SEL1L2: variants seen among roughly 807,000 people sequenced by gnomAD.
The protein encoded by SEL1L2 is protein sel-1 homolog 2.
In SEL1L2, 89 loss-of-function variants were observed where a neutral mutation model predicts 98.8. The ratio of observed to expected loss-of-function variants is 0.90; its 90% CI spans 0.76 to 1.07. The LOEUF (loss-of-function observed/expected upper bound fraction) is 1.07, where lower values mean the gene tolerates loss of function less well. SEL1L2 is among the 50% of genes least tolerant of loss of function. The probability of loss-of-function intolerance (pLI) is 0.00; values close to 1 mark genes in which losing one functional copy is unlikely to be tolerated. For synonymous variants in SEL1L2, 262 were observed against 278.5 expected (o/e 0.94, Z 0.59); for missense variants, 788 against 812.0 (o/e 0.97, Z 0.36).
At chr20:13,885,035 C>A (rs992451713) in intron 10 of SEL1L2, among the ~76,000 whole-genome samples, 1 of 152,140 alleles carries the variant, frequency 6.6e-6, no homozygotes, top group Non-Finnish European at 1.5e-5. Flanking sequence ...TGGGGATATT[C>A]TCTCTCCTAA....
intron 10 of SEL1L2, among the ~76,000 whole-genome samples, chr20:13,879,343 A>G: frequency 6.6e-6 from 1 of 152,188 alleles, no homozygotes; most frequent in Non-Finnish European, 1.5e-5. Flanking sequence ...TAAGGATTTT[A>G]TTTTTTTAAT....
At chr20:13,933,899 T>C (rs145373706) in intron 2 of SEL1L2, among the ~76,000 whole-genome samples, 14 of 152,252 alleles carry the variant, frequency 9.2e-5, no homozygotes, top group African/African-American at 3.1e-4. Flanking sequence ...TTTTTTTAAA[T>C]TTTAAATTTT....
At chr20:13,978,829 C>T (rs563035587) in intron 1 of SEL1L2, among the ~76,000 whole-genome samples, 40 of 152,262 alleles carry the variant, frequency 2.6e-4, no homozygotes, top group Admixed American at 8.5e-4. Context: ...GAGGCCAAGG[C>T]GAGTGGAACA....
rs2147674594 is a variant in SEL1L2 at position 13,849,665 on chromosome 20, C to G, written c.1948-61G>C. The G allele has an allele frequency of 1.9e-6, 3 of 1,584,138 alleles. No homozygotes were observed. In the East Asian group the frequency reaches 6.7e-5, roughly 36 times the overall value. On this transcript the variant is annotated intron_variant, in intron 19 of 19. Transcript: ENST00000284951. ...AGCTTCCCACCTCCACTCAGAGCCACCATCTCTTCCCAAACCCACCACCAC... is the reference window on the plus strand; with the variant it reads ...AGCTTCCCACCTCCACTCAGAGCCAGCATCTCTTCCCAAACCCACCACCAC...
intron 5 of SEL1L2, among the ~76,000 whole-genome samples, chr20:13,912,431 G>A (rs577480033): frequency 1.3e-5 from 2 of 152,044 alleles, no homozygotes; most frequent in South Asian, 4.2e-4. Flanking sequence ...CGAGCAGCTG[G>A]AATTACAGGC....
At chr20:13,869,811 G>A (rs2046098653) in intron 13 of SEL1L2, among the ~76,000 whole-genome samples, 1 of 152,030 alleles carries the variant, frequency 6.6e-6, no homozygotes, top group South Asian at 2.1e-4. Context: ...TACATTGACA[G>A]TAAGTTTTGT....
chr20:13,862,251 CAT>C (rs1246601580), intron 17 of SEL1L2, among the ~76,000 whole-genome samples: 2 of 152,180 alleles, frequency 1.3e-5, no homozygotes, highest in East Asian at 1.9e-4. Flanking sequence ...AGAAAAAACT[CAT>C]GTGACTTTTT....
At chr20:13,968,388 C>T (rs1278235878) in intron 1 of SEL1L2, among the ~76,000 whole-genome samples, 1 of 152,222 alleles carries the variant, frequency 6.6e-6, no homozygotes, top group Non-Finnish European at 1.5e-5. Flanking sequence ...GTGCCTGGCA[C>T]AGTGCCTAGC....
intron 5 of SEL1L2, among the ~76,000 whole-genome samples, chr20:13,912,693 T>A (rs1469616831): frequency 1.3e-5 from 2 of 152,166 alleles, no homozygotes; most frequent in African/African-American, 4.8e-5. Context: ...TGCAAGGAGA[T>A]GAGACCCACA....
chr20:13,882,983 A>AT (rs796733580), intron 10 of SEL1L2, among the ~76,000 whole-genome samples: 113 of 151,578 alleles, frequency 7.5e-4, no homozygotes, highest in African/African-American at 2.4e-3. Context: ...CGCCCGGCTA[A>AT]TTTTTTTTGT....
intron 18 of SEL1L2, among the ~76,000 whole-genome samples, chr20:13,858,443 G>A (rs1989513566): frequency 6.6e-6 from 1 of 152,082 alleles, no homozygotes; most frequent in South Asian, 2.1e-4. Flanking sequence ...CCGCAAGCTG[G>A]TTGGCCAAAT....
intron 17 of SEL1L2, 60 bp from the exon 18 acceptor site, chr20:13,859,494 G>A: frequency 7.0e-7 from 1 of 1,425,726 alleles, no homozygotes; most frequent in Non-Finnish European, 9.7e-7. Flanking sequence ...ATAGTTCTCA[G>A]GAATTCAACC....
intron 5 of SEL1L2, among the ~76,000 whole-genome samples, chr20:13,903,801 T>C (rs13038323): frequency 0.11 from 16,710 of 151,850 alleles, 1,006 homozygotes; most frequent in African/African-American, 0.15. Context: ...GGCAAAAAAG[T>C]GAGACTCCAT....
chr20:13,953,454 G>A (rs2050369722), intron 2 of SEL1L2, among the ~76,000 whole-genome samples: 1 of 152,098 alleles, frequency 6.6e-6, no homozygotes, highest in South Asian at 2.1e-4. Context: ...AGTTAAGATC[G>A]GTCTTCGTCC....
chr20:13,974,745 G>A (rs764362211), intron 1 of SEL1L2, among the ~76,000 whole-genome samples: 7 of 151,982 alleles, frequency 4.6e-5, no homozygotes, highest in African/African-American at 7.3e-5. Flanking sequence ...TGGGATTACC[G>A]GCATGAGCCA....
At chr20:13,929,133 C>T (rs1433200961) in intron 3 of SEL1L2, among the ~76,000 whole-genome samples, 1 of 152,182 alleles carries the variant, frequency 6.6e-6, no homozygotes. Context: ...TCAGCTCATG[C>T]CCAAGAGCTC....
At position 13,939,044 on chromosome 20, in the gene SEL1L2, T is replaced by G. The variant is rs796397153; in HGVS notation, c.115-7273A>C. 5.5e-4 allele frequency among the ~76,000 whole-genome samples: 71 copies of G among 129,510 alleles called. 2 individuals carry two copies. Among genetic ancestry groups the G allele is most frequent in the Non-Finnish European group, 9.4e-4 (57 of 60,814 alleles). The allele number at this position is 129,510 out of a possible 152,430, so 85.0% of individuals were successfully genotyped here. A position where few individuals can be genotyped will look rare whatever the true frequency, so the allele number is the denominator to read the frequency against. ...TTTGGTTTGTTTGCTTGTTTTGTTT[T>G]TTTTTTTTTTTTTTTCTGAGATGGA... On this transcript the variant is annotated intron_variant, in intron 2 of 19. Coordinates refer to ENST00000284951, the MANE Select transcript of SEL1L2 (RefSeq NM_025229.2).
At chr20:13,887,877 A>G (rs1169849784) in intron 7 of SEL1L2, 27 bp from the exon 8 acceptor site, 2 of 1,605,696 alleles carry the variant, frequency 1.2e-6, no homozygotes, top group Admixed American at 1.7e-5. Flanking sequence ...TGCATTCTTA[A>G]TATTCAAGAC....
intron 3 of SEL1L2, among the ~76,000 whole-genome samples, chr20:13,924,862 G>A (rs973278754): frequency 6.6e-6 from 1 of 152,076 alleles, no homozygotes; most frequent in African/African-American, 2.4e-5. Context: ...GTGCTGGCCA[G>A]GCACGGTGGC....
Sources: allele counts gnomAD v4.1 joint callset (sites outside exome capture counted in the v4.1 genomes callset), GRCh38; gene constraint gnomAD v4.1.1; transcripts MANE v1.5; gene names NCBI Gene and HGNC (gene_info 2026-07-23, HGNC 2026-07-21).